Variants in ZFAT observed in about 807,000 individuals in gnomAD.
The protein encoded by ZFAT is zinc finger and AT-hook domain containing.
ZFAT carries 64 observed loss-of-function variants against 117.7 expected under a neutral mutation model. The observed-to-expected ratio is 0.54, with a 90% CI of 0.44 to 0.67. The LOEUF is 0.67. Among genes scored for constraint, ZFAT ranks in the 30% least tolerant of loss-of-function variants. ZFAT has a pLI of 0.00. For missense variants in ZFAT, 1,433 were observed against 1,584.5 expected (o/e 0.90, Z 1.62); for synonymous variants, 679 against 615.0 (o/e 1.10, Z -1.54).
chr8:134,792,466 T>C, the ZFAT span: 37 of 152,362 alleles, frequency 2.4e-4, no homozygotes, highest in African/African-American at 8.7e-4. Context: ...TATCACAGCA[T>C]AATGGAGATA....
At chr8:134,817,291 C>T in the ZFAT span, among the ~76,000 whole-genome samples, 3 of 151,814 alleles carry the variant, frequency 2.0e-5, no homozygotes, top group Admixed American at 2.0e-4. Flanking sequence ...AGAAATCCTG[C>T]CTAAGGTTCC....
chr8:134,570,319 G>A (rs564169275), intron 10 of ZFAT, among the ~76,000 whole-genome samples: 2 of 152,164 alleles, frequency 1.3e-5, no homozygotes, highest in African/African-American at 2.4e-5. Context: ...ATACTGAAAT[G>A]GAATCATTTC....
chr8:134,633,539 T>A (rs758067043), intron 3 of ZFAT, among the ~76,000 whole-genome samples: 2 of 152,206 alleles, frequency 1.3e-5, no homozygotes, highest in Non-Finnish European at 2.9e-5. Flanking sequence ...GGTATGCCCA[T>A]GCATATGAAG....
intron 11 of ZFAT, among the ~76,000 whole-genome samples, chr8:134,536,743 A>T (rs1821869972): frequency 6.6e-6 from 1 of 152,246 alleles, no homozygotes; most frequent in Non-Finnish European, 1.5e-5. Context: ...CAGATTTGTG[A>T]TTCCCTAAAT....
chr8:134,772,665 A>T, the ZFAT span, among the ~76,000 whole-genome samples: 9 of 152,242 alleles, frequency 5.9e-5, no homozygotes, highest in Non-Finnish European at 8.8e-5. Flanking sequence ...AGCTAAGATC[A>T]CTGATGAAAA....
In ZFAT at chr8:134,492,930, G is replaced by A. The variant is rs145157165; in HGVS notation, c.3493-14209C>T. Among the ~76,000 whole-genome samples the A allele has an allele frequency of 3.8e-3, 580 of 152,268 alleles. 9 individuals carry two copies. Among genetic ancestry groups the A allele is most frequent in the African/African-American group, 0.013 (547 of 41,558 alleles). On this transcript the variant is annotated intron_variant, in intron 15 of 15. Transcript: ENST00000377838. ...GGAAGAAGCCATTCCATACATCAAC[G>A]GAGATTTAAAGCCTTTTAGGGAGGA...
chr8:134,814,921 G>A, the ZFAT span, among the ~76,000 whole-genome samples: 3 of 152,172 alleles, frequency 2.0e-5, no homozygotes, highest in South Asian at 4.1e-4. Context: ...TCAAGAACCT[G>A]TCATCCTACA....
chr8:134,727,768 T>C, the ZFAT span, among the ~76,000 whole-genome samples: 12 of 152,224 alleles, frequency 7.9e-5, no homozygotes, highest in East Asian at 2.1e-3. Context: ...GCTACTCCAC[T>C]CTGCCCCATG....
chr8:134,729,393 G>A, the ZFAT span, among the ~76,000 whole-genome samples: 19 of 152,288 alleles, frequency 1.2e-4, no homozygotes, highest in South Asian at 3.3e-3. Flanking sequence ...GTGCAGTGGC[G>A]TGATCTCAGC....
At chr8:134,722,317 C>T in the ZFAT span, among the ~76,000 whole-genome samples, 2 of 152,290 alleles carry the variant, frequency 1.3e-5, no homozygotes, top group Non-Finnish European at 2.9e-5. Flanking sequence ...GGAATTTTAT[C>T]ATAAGGGGAG....
chr8:134,827,098 C>T, the ZFAT span, among the ~76,000 whole-genome samples: 2 of 152,032 alleles, frequency 1.3e-5, no homozygotes, highest in African/African-American at 2.4e-5. Context: ...TCATCCCAGA[C>T]TGGAGTGTAG....
chr8:134,721,269 C>T, the ZFAT span, among the ~76,000 whole-genome samples: 3 of 152,200 alleles, frequency 2.0e-5, no homozygotes, highest in South Asian at 2.1e-4. Context: ...AACCAGTCAG[C>T]GTGCTGCTGA....
the ZFAT span, among the ~76,000 whole-genome samples, chr8:134,789,228 A>G: frequency 6.6e-6 from 1 of 152,196 alleles, no homozygotes; most frequent in Non-Finnish European, 1.5e-5. Flanking sequence ...AAAAAAAGTA[A>G]TCTTACCATT....
At chr8:134,709,949 T>C (rs143492311) in intron 1 of ZFAT, among the ~76,000 whole-genome samples, 1 of 152,334 alleles carries the variant, frequency 6.6e-6, no homozygotes, top group East Asian at 1.9e-4. Flanking sequence ...TTATCATTCA[T>C]TGTACTCCCT....
At chr8:134,808,534 A>G in the ZFAT span, among the ~76,000 whole-genome samples, 3 of 152,244 alleles carry the variant, frequency 2.0e-5, no homozygotes, top group African/African-American at 4.8e-5. Context: ...TAAGCCCAGC[A>G]CAATGAAGTC....
At position 134,584,008 on chromosome 8, in the gene ZFAT, G is replaced by A. The variant is rs1160774742; in HGVS notation, c.2714-3C>T. On this transcript the variant is annotated splice_polypyrimidine_tract_variant and splice_region_variant and intron_variant, in intron 9 of 15. Transcript: ENST00000377838. ...AGAACACTTGAAGGGCTTCACACCT[G>A]CCAAGGGAAAAATGTATATATCTCT... 5 of 1,551,516 alleles carry A rather than the reference G, an allele frequency of 3.2e-6. No homozygotes were observed. The highest frequency in any genetic ancestry group is 4.4e-6 in the Non-Finnish European group (5 of 1,147,070).
intron 13 of ZFAT, among the ~76,000 whole-genome samples, chr8:134,520,239 A>T (rs1172578936): frequency 6.6e-6 from 1 of 152,190 alleles, no homozygotes; most frequent in Non-Finnish European, 1.5e-5. Flanking sequence ...AAATGCAGCT[A>T]AACAGCCTGT....
At chr8:134,654,685 G>A (rs952328822) in intron 2 of ZFAT, among the ~76,000 whole-genome samples, 3 of 152,226 alleles carry the variant, frequency 2.0e-5, no homozygotes, top group Non-Finnish European at 4.4e-5. Flanking sequence ...AGCAAAGGGT[G>A]ACAGCTGGGA....
chr8:134,824,108 A>G, the ZFAT span, among the ~76,000 whole-genome samples: 1 of 152,260 alleles, frequency 6.6e-6, no homozygotes, highest in African/African-American at 2.4e-5. Flanking sequence ...TTACAAAACA[A>G]TGTAATAACT....
Sources: allele counts gnomAD v4.1 joint callset (sites outside exome capture counted in the v4.1 genomes callset), GRCh38; gene constraint gnomAD v4.1.1; transcripts MANE v1.5; gene names NCBI Gene and HGNC (gene_info 2026-07-23, HGNC 2026-07-21).